Variants in ADGRF4 observed in about 807,000 individuals in gnomAD.
The protein encoded by ADGRF4 is G-protein coupled receptor PGR18.
ADGRF4 carries 63 observed loss-of-function variants against 58.5 expected under a neutral mutation model. The observed-to-expected ratio is 1.08, with a 90% confidence interval of 0.88 to 1.33. The LOEUF (loss-of-function observed/expected upper bound fraction) is 1.33. Ranked by LOEUF, ADGRF4 falls within the 40% of genes most tolerant of loss-of-function variation. The pLI is 0.00. For missense variants in ADGRF4, 931 were observed against 843.9 expected, an observed-to-expected ratio of 1.10 and a Z score of -1.28; for synonymous variants, 313 against 295.4, an observed-to-expected ratio of 1.06 and a Z score of -0.61.
chr6:47,709,687 C>T (rs1200701388), intron 3 of ADGRF4, among the ~76,000 whole-genome samples: 1 of 152,196 alleles, frequency 6.6e-6, no homozygotes, highest in African/African-American at 2.4e-5. Flanking sequence ...TCAATACTCC[C>T]AGTGCTTTTG....
At position 47,714,303 on chromosome 6, in the gene ADGRF4, A is replaced by C. The variant is rs758282987; in HGVS notation, c.1058A>C (p.His353Pro). ...GCCAGAGCCCAGTGTGTTGGCTGGC[A>C]CTCCAAGAAAAGGAGATGGGATGAG... The part of the protein sequence containing the change: ...RNARAQCVGW[H>P]SKKRRWDEKA... Residue 353 changes from histidine to proline, a missense_variant, in exon 6 of 10, where the codon CAC becomes CCC. Coordinates refer to ENST00000283303, the MANE Select transcript of ADGRF4 (RefSeq NM_153838.5). The C allele has an allele frequency of 1.2e-6, 2 of 1,614,184 alleles. No homozygotes were observed. The highest frequency in any genetic ancestry group is 8.5e-7 in the Non-Finnish European group (1 of 1,180,036).
chr6:47,715,922 G>A (rs1450620101), intron 6 of ADGRF4, among the ~76,000 whole-genome samples: 1 of 151,678 alleles, frequency 6.6e-6, no homozygotes, highest in East Asian at 1.9e-4. Flanking sequence ...AGTAACTATA[G>A]AGCACATTTA....
In ADGRF4 at chr6:47,714,235, A is replaced by G; in HGVS notation, c.990A>G (p.Gln330=). ...CAGTGGTTTTACCAGAAAGGTTGCA[A>G]GAAATCATACTCACCTTCGAAAAGA... The part of the protein sequence containing the change: ...VLSVVLPERL[Q]EIILTFEKIN... The change falls in exon 6 of 10, where the codon CAA becomes CAG. Residue 330 remains glutamine (Q), a synonymous_variant. Transcript: ENST00000283303. 3 of 1,614,172 alleles carry G rather than the reference A, an allele frequency of 1.9e-6. No individual in the cohort carries two copies.
Position 47,714,258 on chromosome 6 carries a change from A to G in ADGRF4, c.1013A>G (p.Lys338Arg), listed in dbSNP as rs1771946648. The G allele has an allele frequency of 6.2e-7, 1 of 1,614,066 alleles. No homozygotes were observed. Among genetic ancestry groups the G allele is most frequent in the Non-Finnish European group, 8.5e-7 (1 of 1,180,040 alleles). ...RLQEIILTFE[K>R]INKTRNARAQ... is the part of the protein sequence containing the mutation. ...CAAGAAATCATACTCACCTTCGAAA[A>G]GATCAATAAAACCCGCAATGCCAGA... The change falls in exon 6 of 10, where the codon AAG becomes AGG. Residue 338 changes from lysine to arginine, a missense_variant. Transcript: ENST00000283303.
At chr6:47,705,212 T>G (rs1235832465) in intron 1 of ADGRF4, among the ~76,000 whole-genome samples, 2 of 152,190 alleles carry the variant, frequency 1.3e-5, no homozygotes, top group African/African-American at 2.4e-5. Context: ...CAGACATGAG[T>G]TGCCGTGCCC....
intron 1 of ADGRF4, among the ~76,000 whole-genome samples, chr6:47,705,470 A>G (rs138928481): frequency 7.0e-4 from 106 of 152,212 alleles, no homozygotes; most frequent in African/African-American, 2.4e-3. Flanking sequence ...TATCAAATCT[A>G]TTACCACACC....
intron 1 of ADGRF4, among the ~76,000 whole-genome samples, chr6:47,701,528 C>T (rs1213113578): frequency 6.6e-6 from 1 of 152,146 alleles, no homozygotes. Flanking sequence ...AAATGACTAA[C>T]CCTTTATTTA....
In ADGRF4 at chr6:47,710,743, G is replaced by A. The variant is rs755723377; in HGVS notation, c.157G>A (p.Glu53Lys). ...PKTGRIQEKC[E>K]GPCISSSNCS... Reference sequence around the variant, plus strand: ...TCTTTTTTTCTTTATAGAGAAATGCGAAGGACCTTGTATTTCTTCTTCCAA... The same window carrying A: ...TCTTTTTTTCTTTATAGAGAAATGCAAAGGACCTTGTATTTCTTCTTCCAA... The change falls in exon 4 of 10, where the codon GAA (glutamate) becomes AAA (lysine). Residue 53 changes from glutamate to lysine, a missense_variant. Transcript: ENST00000283303. 5.6e-6 allele frequency: 9 copies of A among 1,599,426 alleles called. No individual in the cohort carries two copies. The highest frequency in any genetic ancestry group is 3.6e-5 in the Admixed American group (2 of 56,030).
intron 5 of ADGRF4, 41 bp from the exon 6 acceptor site, chr6:47,713,755 ATG>A (rs1264449451): frequency 1.4e-6 from 2 of 1,419,780 alleles, no homozygotes; most frequent in Non-Finnish European, 1.9e-6. Context: ...TTGTACAACA[ATG>A]TGTAAATCCT....
intron 6 of ADGRF4, 23 bp downstream of exon 6, chr6:47,715,200 T>C: frequency 1.3e-6 from 2 of 1,527,194 alleles, no homozygotes; most frequent in Non-Finnish European, 1.8e-6. Context: ...AGGGAGACTT[T>C]TCTGTGTTAC....
In ADGRF4 at chr6:47,708,243, G is replaced by T; in HGVS notation, c.113G>T (p.Ser38Ile). The stretch of plus-strand genomic sequence containing the variant: ...TTTCAGGCTGGAGATAAACTTCAAA[G>T]CCCTGAAGGGAAACCCAAGACTGGA... The part of the protein sequence containing the change: ...IHLKAGDKLQ[S>I]PEGKPKTGRI... The change falls in exon 3 of 10, where the codon AGC (serine) becomes ATC (isoleucine). Residue 38 changes from serine (S) to isoleucine (I), a missense_variant. Coordinates refer to ENST00000283303, the MANE Select transcript of ADGRF4 (RefSeq NM_153838.5). 1 of 1,612,544 alleles carries T rather than the reference G, an allele frequency of 6.2e-7. No individual in the cohort carries two copies. Among genetic ancestry groups the T allele is most frequent in the Non-Finnish European group, 8.5e-7 (1 of 1,178,698 alleles).
intron 1 of ADGRF4, among the ~76,000 whole-genome samples, chr6:47,705,335 A>C (rs1180655595): frequency 1.3e-5 from 2 of 152,222 alleles, no homozygotes; most frequent in African/African-American, 2.4e-5. Context: ...TCAGTTAAGC[A>C]TCTATCTTGG....
At chr6:47,718,713 A>G (rs1442081091) in intron 9 of ADGRF4, among the ~76,000 whole-genome samples, 1 of 152,172 alleles carries the variant, frequency 6.6e-6, no homozygotes, top group Non-Finnish European at 1.5e-5. Context: ...CCTTAATTCC[A>G]TCTTGTCAGT....
intron 4 of ADGRF4, among the ~76,000 whole-genome samples, chr6:47,711,735 G>A (rs1307373655): frequency 6.6e-6 from 1 of 152,150 alleles, no homozygotes; most frequent in Non-Finnish European, 1.5e-5. Context: ...TCCCATGGAA[G>A]CACATGGATG....
In ADGRF4 at chr6:47,713,905, G is replaced by A; in HGVS notation, c.660G>A (p.Leu220=). The A allele has an allele frequency of 6.2e-7, 1 of 1,609,638 alleles. No individual in the cohort carries two copies. The highest frequency in any genetic ancestry group is 8.5e-7 in the Non-Finnish European group (1 of 1,178,364). The stretch of plus-strand genomic sequence containing the variant: ...CGGATTTGTTGCAGTCAGTGAATTT[G>A]TTTGCCAGACAACTCCACATCCACA... ...ASSDLLQSVN[L]FARQLHIHNN... Residue 220 remains leucine (L), a synonymous_variant, in exon 6 of 10, where the codon TTG becomes TTA. Transcript: ENST00000283303.
intron 1 of ADGRF4, among the ~76,000 whole-genome samples, chr6:47,702,120 T>G (rs1581689144): frequency 6.6e-6 from 1 of 152,360 alleles, no homozygotes; most frequent in East Asian, 1.9e-4. Flanking sequence ...ATTATAGGCG[T>G]GAACCACTGC....
At position 47,712,387 on chromosome 6, in the gene ADGRF4, G is replaced by A. The variant is rs139089127; in HGVS notation, c.331G>A (p.Ala111Thr). 676 of 1,614,012 alleles carry A rather than the reference G, an allele frequency of 4.2e-4. 1 individual carries two copies. Among genetic ancestry groups the A allele is most frequent in the Non-Finnish European group, 5.1e-4 (600 of 1,179,930 alleles). The change falls in exon 5 of 10, where the codon GCA becomes ACA. Residue 111 changes from alanine (A) to threonine (T), a missense_variant. Transcript: ENST00000283303. ...AACTGGTGCATCTCGCCTTTCTGTA[G>A]CAGCACCATCTATACCTCTGCATAT... ...DSTGASRLSV[A>T]APSIPLHILD...
At chr6:47,712,206 C>G in intron 4 of ADGRF4, 151 bp from the exon 5 acceptor site, 4 of 651,680 alleles carry the variant, frequency 6.1e-6, no homozygotes, top group Non-Finnish European at 1.1e-5. Flanking sequence ...CCCACTGTAT[C>G]GTCTCCACCC....
intron 4 of ADGRF4, among the ~76,000 whole-genome samples, chr6:47,711,326 A>C (rs1286649431): frequency 6.6e-6 from 1 of 152,122 alleles, no homozygotes. Flanking sequence ...GCAGTGGCGC[A>C]ATCTCAGCTC....
Sources: allele counts gnomAD v4.1 joint callset (sites outside exome capture counted in the v4.1 genomes callset), GRCh38; gene constraint gnomAD v4.1.1; transcripts MANE v1.5; gene names NCBI Gene and HGNC (gene_info 2026-07-23, HGNC 2026-07-21).